Variants in STAU1 observed in about 807,000 individuals in gnomAD.
The protein encoded by STAU1 is staufen double-stranded RNA binding protein 1.
STAU1 carries 13 observed loss-of-function variants against 62.9 expected under a neutral mutation model. The ratio of observed to expected loss-of-function variants is 0.21; its 90% CI spans 0.13 to 0.33. STAU1 has a LOEUF of 0.33. STAU1 is among the 10% of genes least tolerant of loss of function. The pLI is 1.00. For missense variants in STAU1, 571 were observed against 712.1 expected (o/e 0.80, Z 2.25); for synonymous variants, 269 against 265.1 (o/e 1.01, Z -0.14).
At chr20:49,115,231 G>A (rs566497670) in intron 13 of STAU1, among the ~76,000 whole-genome samples, 7 of 152,118 alleles carry the variant, frequency 4.6e-5, no homozygotes, top group East Asian at 3.8e-4. Context: ...GGGGCTGTCC[G>A]AGGGGAAGAT....
At chr20:49,120,186 C>A in intron 8 of STAU1, 58 bp from the exon 9 acceptor site, 1 of 1,552,992 alleles carries the variant, frequency 6.4e-7, no homozygotes. Context: ...AACAACCAGG[C>A]AGGAATTGGT....
In STAU1 at chr20:49,165,986, C is replaced by T. The variant is rs1463129037; in HGVS notation, c.205+11G>A. Reference sequence around the variant, plus strand: ...ATTTGAAATAGAAGACACTTGGATTCATATGCTTACCTGCAGCTGCACTGG... The same window carrying T: ...ATTTGAAATAGAAGACACTTGGATTTATATGCTTACCTGCAGCTGCACTGG... On this transcript the variant is annotated intron_variant, in intron 3 of 13. Coordinates refer to ENST00000371856, the MANE Select transcript of STAU1 (RefSeq NM_017453.4). 6.2e-7 allele frequency: 1 copy of T among 1,613,534 alleles called. No individual in the cohort carries two copies.
chr20:49,156,751 T>A (rs1313791442), intron 3 of STAU1, among the ~76,000 whole-genome samples: 1 of 152,198 alleles, frequency 6.6e-6, no homozygotes, highest in Non-Finnish European at 1.5e-5. Context: ...TTGAACACTT[T>A]CTATGGTCAT....
At chr20:49,201,396 G>A in the STAU1 span, among the ~76,000 whole-genome samples, 1 of 152,082 alleles carries the variant, frequency 6.6e-6, no homozygotes, top group African/African-American at 2.4e-5. Flanking sequence ...AAAGCCAAAA[G>A]AACTGCACAT....
Position 49,138,118 on chromosome 20 carries a change from T to TA in STAU1, c.511-2188dup, listed in dbSNP as rs930662243. 2.3e-3 allele frequency among the ~76,000 whole-genome samples: 351 copies of TA among 151,826 alleles called. 1 individual carries two copies. The highest frequency in any genetic ancestry group is 7.2e-3 in the African/African-American group (300 of 41,382). On this transcript the variant is annotated intron_variant, in intron 5 of 13. Transcript: ENST00000371856. ...GCAACATGGCAAAACCCCATCTTTA[T>TA]AAAAAAAATACAAATATTAGCAGGT...
intron 1 of STAU1, chr20:49,179,386 G>A (rs868617645): frequency 7.2e-5 from 11 of 152,128 alleles, no homozygotes; most frequent in African/African-American, 2.4e-4. Flanking sequence ...CTATACAGAA[G>A]TAGTCACTTG....
chr20:49,164,550 A>G (rs1356337059), intron 3 of STAU1, among the ~76,000 whole-genome samples: 1 of 151,670 alleles, frequency 6.6e-6, no homozygotes, highest in Admixed American at 6.6e-5. Flanking sequence ...TCGGCCTCCC[A>G]AAGTACTGGG....
rs745897064 is a variant in STAU1 at position 49,166,216 on chromosome 20, A to C, written c.-15T>G. ...ACTTGAGACATGGTCACTTTCAACA[A>C]AAGTGAACAAATGCAGGTAAACAGC... On this transcript the variant is annotated 5_prime_UTR_variant, in exon 3 of 14. Coordinates refer to ENST00000371856, the MANE Select transcript of STAU1 (RefSeq NM_017453.4). 6.2e-7 allele frequency: 1 copy of C among 1,613,170 alleles called. No individual in the cohort carries two copies. Among genetic ancestry groups the C allele is most frequent in the East Asian group, 2.2e-5 (1 of 44,898 alleles).
At chr20:49,151,561 A>C in intron 5 of STAU1, 21 bp downstream of exon 5, 2 of 1,572,716 alleles carry the variant, frequency 1.3e-6, no homozygotes, top group South Asian at 1.2e-5. Flanking sequence ...AGCGTCAGGG[A>C]GCCTGGGCTC....
intron 7 of STAU1, 83 bp downstream of exon 7, chr20:49,124,292 C>G: frequency 6.9e-7 from 1 of 1,452,692 alleles, no homozygotes; most frequent in East Asian, 2.3e-5. Context: ...CCCCTTTCAC[C>G]TTGGGGACAG....
chr20:49,163,924 C>T (rs894016282), intron 3 of STAU1, among the ~76,000 whole-genome samples: 2 of 151,624 alleles, frequency 1.3e-5, no homozygotes, highest in Non-Finnish European at 2.9e-5. Context: ...ACCATCAAGC[C>T]CAGCTAATTT....
intron 2 of STAU1, among the ~76,000 whole-genome samples, chr20:49,169,895 G>A (rs1425184942): frequency 1.3e-5 from 2 of 152,164 alleles, no homozygotes; most frequent in Non-Finnish European, 2.9e-5. Flanking sequence ...TAGAGTTATA[G>A]GTGTTTCTTT....
chr20:49,218,046 T>C, the STAU1 span, among the ~76,000 whole-genome samples: 4 of 149,246 alleles, frequency 2.7e-5, no homozygotes, highest in African/African-American at 7.4e-5. Flanking sequence ...GCTAATTTTT[T>C]GTATTTTTAG....
intron 5 of STAU1, among the ~76,000 whole-genome samples, chr20:49,138,632 G>A (rs1280349712): frequency 6.6e-6 from 1 of 152,054 alleles, no homozygotes; most frequent in African/African-American, 2.4e-5. Context: ...CTCCTGAGTA[G>A]CTGGGACTAC....
chr20:49,131,976 A>G (rs556101917), intron 6 of STAU1, among the ~76,000 whole-genome samples: 3 of 152,258 alleles, frequency 2.0e-5, no homozygotes, highest in Admixed American at 6.5e-5. Flanking sequence ...TTTTTGAAGT[A>G]AAAAATTGAA....
Position 49,146,504 on chromosome 20 carries a change from C to G in STAU1, c.510+5078G>C, listed in dbSNP as rs181734502. ...ATCATTTAAGACTAGGAGTTTAAGA[C>G]CAGCCAGGGCAACATGGCAAAACCC... On this transcript the variant is annotated intron_variant, in intron 5 of 13. Transcript: ENST00000371856. Among the ~76,000 whole-genome samples the G allele has an allele frequency of 2.6e-3, 388 of 152,038 alleles. 2 individuals are homozygous for G. The highest frequency in any genetic ancestry group is 3.6e-3 in the Non-Finnish European group (248 of 67,976).
At chr20:49,119,590 G>A (rs1223305457) in intron 9 of STAU1, among the ~76,000 whole-genome samples, 1 of 152,154 alleles carries the variant, frequency 6.6e-6, no homozygotes, top group East Asian at 1.9e-4. Flanking sequence ...AAAAATCAAA[G>A]CCTATTCCAC....
intron 3 of STAU1, among the ~76,000 whole-genome samples, chr20:49,163,561 GA>G (rs1483858906): frequency 1.3e-5 from 2 of 151,296 alleles, no homozygotes; most frequent in African/African-American, 4.9e-5. Flanking sequence ...AAGTAGCTGG[GA>G]ATATAGGCAC....
the STAU1 span, among the ~76,000 whole-genome samples, chr20:49,194,951 A>T: frequency 5.0e-3 from 763 of 152,208 alleles, no homozygotes; most frequent in Middle Eastern, 0.02. Flanking sequence ...GTAAAAAAAA[A>T]AATAATAATA....
Sources: gnomAD v4.1 joint callset for allele counts (sites outside exome capture counted in the v4.1 genomes callset) on GRCh38, gnomAD v4.1.1 for gene constraint, MANE v1.5 for transcripts, NCBI Gene and HGNC (gene_info 2026-07-23, HGNC 2026-07-21) for gene names.